Variants in TAOK1 observed in about 807,000 individuals in gnomAD.
The protein encoded by TAOK1 is serine/threonine-protein kinase TAO1.
Under a neutral mutation model 138.3 loss-of-function variants are expected in TAOK1, and 21 were observed. The observed-to-expected ratio is 0.15, with a 90% confidence interval of 0.11 to 0.22. TAOK1 has a LOEUF of 0.22. TAOK1 is among the 10% of genes least tolerant of loss of function. The pLI is 1.00. For synonymous variants in TAOK1, 361 were observed against 398.4 expected, an observed-to-expected ratio of 0.91 and a Z score of 1.12; for missense variants, 651 against 1,227.7, an observed-to-expected ratio of 0.53 and a Z score of 7.02.
At chr17:29,416,121 G>A (rs1905258139) in intron 1 of TAOK1, among the ~76,000 whole-genome samples, 3 of 152,056 alleles carry the variant, frequency 2.0e-5, no homozygotes, top group South Asian at 4.2e-4. Flanking sequence ...AAAATTAGCC[G>A]GGCATGGTGG....
intron 2 of TAOK1, among the ~76,000 whole-genome samples, chr17:29,462,403 C>G (rs1242429880): frequency 1.3e-5 from 2 of 152,154 alleles, no homozygotes; most frequent in African/African-American, 4.8e-5. Flanking sequence ...ATGGGTCACA[C>G]AATAAGAAAT....
intron 13 of TAOK1, among the ~76,000 whole-genome samples, chr17:29,504,423 A>C (rs1452626037): frequency 1.3e-5 from 2 of 151,976 alleles, no homozygotes. Flanking sequence ...TAATCCCAGC[A>C]CTTTGGGAGG....
intron 1 of TAOK1, among the ~76,000 whole-genome samples, chr17:29,433,251 T>C (rs888508904): frequency 6.6e-6 from 1 of 151,908 alleles, no homozygotes; most frequent in African/African-American, 2.4e-5. Context: ...GCCAACATGG[T>C]GAAACCCTGT....
At chr17:29,489,620 C>A (rs545759206) in intron 8 of TAOK1, 44 bp from the exon 9 acceptor site, 4 of 1,331,002 alleles carry the variant, frequency 3.0e-6, no homozygotes, top group East Asian at 2.5e-5. Flanking sequence ...GACTTGAGTA[C>A]CCCTGGAACC....
At chr17:29,428,808 T>C (rs1045881202) in intron 1 of TAOK1, among the ~76,000 whole-genome samples, 6 of 147,230 alleles carry the variant, frequency 4.1e-5, no homozygotes, top group Admixed American at 2.7e-4. Flanking sequence ...TTTTTTTTTC[T>C]GTAGAGACAG....
At chr17:29,419,923 AAGCTCGAGTGC>A (rs1263035350) in intron 1 of TAOK1, among the ~76,000 whole-genome samples, 1 of 152,040 alleles carries the variant, frequency 6.6e-6, no homozygotes, top group Non-Finnish European at 1.5e-5. Context: ...TCTGTTGCCC[AAGCTCGAGTGC>A]AGTGACAGAA....
intron 18 of TAOK1, among the ~76,000 whole-genome samples, chr17:29,532,149 C>T (rs1006305442): frequency 2.0e-5 from 3 of 152,020 alleles, no homozygotes; most frequent in Admixed American, 6.5e-5. Flanking sequence ...CGTGAGCCAC[C>T]GCGCCCGGCA....
At chr17:29,463,934 T>C (rs1457920489) in intron 2 of TAOK1, among the ~76,000 whole-genome samples, 1 of 152,210 alleles carries the variant, frequency 6.6e-6, no homozygotes, top group Non-Finnish European at 1.5e-5. Context: ...AAAGAAAATA[T>C]GCAAATGGCC....
intron 1 of TAOK1, among the ~76,000 whole-genome samples, chr17:29,440,115 CCT>C (rs1693922056): frequency 6.6e-6 from 1 of 152,006 alleles, no homozygotes; most frequent in Admixed American, 6.6e-5. Flanking sequence ...CCTGCTTCAC[CCT>C]GTCTTGCATT....
At chr17:29,453,811 T>C (rs2030306129) in intron 2 of TAOK1, among the ~76,000 whole-genome samples, 1 of 148,076 alleles carries the variant, frequency 6.8e-6, no homozygotes, top group South Asian at 2.1e-4. Flanking sequence ...GTTTTTTTGT[T>C]TTTTTTTTTT....
At chr17:29,430,851 C>G (rs575534676) in intron 1 of TAOK1, among the ~76,000 whole-genome samples, 1 of 152,100 alleles carries the variant, frequency 6.6e-6, no homozygotes, top group Non-Finnish European at 1.5e-5. Flanking sequence ...TCACCCTGTT[C>G]TGTCTAGTGG....
At chr17:29,426,937 G>A (rs576725235) in intron 1 of TAOK1, among the ~76,000 whole-genome samples, 3 of 152,252 alleles carry the variant, frequency 2.0e-5, no homozygotes, top group African/African-American at 7.2e-5. Context: ...CCAATATGGT[G>A]ACCCCTAGCT....
At chr17:29,471,031 C>G (rs1224117415) in intron 3 of TAOK1, among the ~76,000 whole-genome samples, 1 of 151,914 alleles carries the variant, frequency 6.6e-6, no homozygotes, top group Non-Finnish European at 1.5e-5. Context: ...GAGGCTGAGG[C>G]AGGATAATCA....
chr17:29,458,764 G>A (rs551606648), intron 2 of TAOK1, among the ~76,000 whole-genome samples: 3 of 152,168 alleles, frequency 2.0e-5, no homozygotes, highest in East Asian at 3.9e-4. Flanking sequence ...TTGCAATCTC[G>A]CCCCACTGCA....
At chr17:29,426,116 G>A (rs1047519505) in intron 1 of TAOK1, among the ~76,000 whole-genome samples, 19 of 152,154 alleles carry the variant, frequency 1.2e-4, no homozygotes, top group African/African-American at 3.1e-4. Flanking sequence ...TCCTGACCTC[G>A]TGATCCACCT....
chr17:29,401,469 G>C (rs775608348), intron 1 of TAOK1, among the ~76,000 whole-genome samples: 1 of 152,010 alleles, frequency 6.6e-6, no homozygotes, highest in Non-Finnish European at 1.5e-5. Flanking sequence ...GAAGGGGGAA[G>C]TGCTACAAAC....
At chr17:29,448,030 A>G (rs374165652) in intron 1 of TAOK1, among the ~76,000 whole-genome samples, 2 of 46,096 alleles carry the variant, frequency 4.3e-5, no homozygotes, top group South Asian at 1.2e-3. Context: ...CTTTTTTTTT[A>G]TTATTTTTGG....
chr17:29,503,820 C>T (rs562940707), intron 13 of TAOK1, among the ~76,000 whole-genome samples: 3 of 151,766 alleles, frequency 2.0e-5, no homozygotes, highest in Non-Finnish European at 2.9e-5. Context: ...ACAAAAAATA[C>T]AAAATTCAGG....
rs778832962 is a variant in TAOK1, at chr17:29,544,305, G to T, written c.*1283G>T. Reference sequence around the variant, plus strand: ...CACTGTAGATTTTGCTGCATGTGCAGGTCCTCTATTTTTAATTGCTGTTTT... The same window carrying T: ...CACTGTAGATTTTGCTGCATGTGCATGTCCTCTATTTTTAATTGCTGTTTT... On this transcript the variant is annotated 3_prime_UTR_variant, in exon 20 of 20. Coordinates refer to ENST00000261716, the MANE Select transcript of TAOK1 (RefSeq NM_020791.4). The T allele has an allele frequency of 2.6e-5, 4 of 152,610 alleles. No individual in the cohort carries two copies. The highest frequency in any genetic ancestry group is 4.8e-5 in the African/African-American group (2 of 41,448). The allele number at this position is 152,610 out of a possible 1,614,324, so 9.5% of individuals were successfully genotyped here.
Sources: allele counts gnomAD v4.1 joint callset (sites outside exome capture counted in the v4.1 genomes callset), GRCh38; gene constraint gnomAD v4.1.1; transcripts MANE v1.5; gene names NCBI Gene and HGNC (gene_info 2026-07-23, HGNC 2026-07-21).